The following MEGF6 variants were observed in gnomAD, a reference collection of about 807,000 sequenced individuals.
MEGF6 encodes the protein multiple EGF like domains 6.
MEGF6 carries 184 observed loss-of-function variants against 207.1 expected under a neutral mutation model. The ratio of observed to expected loss-of-function variants is 0.89; its 90% CI spans 0.79 to 1.00. MEGF6 has a LOEUF of 1.00. Among genes scored for constraint, MEGF6 ranks in the 50% least tolerant of loss-of-function variants. The probability of loss-of-function intolerance (pLI) is 0.00; values close to 1 mark genes in which losing one functional copy is unlikely to be tolerated. For missense variants in MEGF6, 2,282 were observed against 2,202.9 expected (o/e 1.04, Z -0.72); for synonymous variants, 1,038 against 910.0 (o/e 1.14, Z -2.53).
chr1:3,553,886 C>T (rs370467025), intron 4 of MEGF6, among the ~76,000 whole-genome samples: 5 of 152,222 alleles, frequency 3.3e-5, no homozygotes, highest in African/African-American at 7.2e-5. Flanking sequence ...GGGAGCACCC[C>T]GTTGGCCAGC....
chr1:3,541,012 G>A (rs1447880498), intron 4 of MEGF6, among the ~76,000 whole-genome samples: 1 of 152,224 alleles, frequency 6.6e-6, no homozygotes, highest in Non-Finnish European at 1.5e-5. Flanking sequence ...AGGGGAGATG[G>A]CATCCTGGGG....
Position 3,494,015 on chromosome 1 carries a change from G to C in MEGF6, c.4239C>G (p.His1413Gln), listed in dbSNP as rs372597074. The C allele has an allele frequency of 1.9e-6, 3 of 1,605,400 alleles. No homozygotes were observed. The highest frequency in any genetic ancestry group is 1.7e-5 in the Admixed American group (1 of 58,530). ...ACTCACCCCTCTCACAGAAGTGGCCGTGGAAGCCGGCAGGGCAGAGGCATC... is the reference window on the plus strand; with the variant it reads ...ACTCACCCCTCTCACAGAAGTGGCCCTGGAAGCCGGCAGGGCAGAGGCATC... Reference protein sequence around the residue: ...SGRCLCPAGFHGHFCERGCEP... With the variant: ...SGRCLCPAGFQGHFCERGCEP... The change falls in exon 33 of 37, where the codon CAC becomes CAG. Residue 1413 changes from histidine (H) to glutamine (Q), a missense_variant. Coordinates refer to ENST00000356575, the MANE Select transcript of MEGF6 (RefSeq NM_001409.4).
chr1:3,514,803 G>A (rs2101082090), intron 6 of MEGF6, 131 bp from the exon 7 acceptor site: 1 of 1,087,032 alleles, frequency 9.2e-7, no homozygotes, highest in East Asian at 2.7e-5. Flanking sequence ...CTGATGGGCT[G>A]GGCAGCGGGT....
intron 3 of MEGF6, among the ~76,000 whole-genome samples, chr1:3,590,866 G>A (rs934035667): frequency 3.4e-5 from 5 of 149,038 alleles, no homozygotes; most frequent in South Asian, 4.6e-4. Context: ...CACAGGGGCC[G>A]TGTAAAGAGC....
intron 4 of MEGF6, among the ~76,000 whole-genome samples, chr1:3,528,418 C>T (rs894815951): frequency 1.2e-4 from 19 of 152,204 alleles, no homozygotes; most frequent in Non-Finnish European, 2.1e-4. Flanking sequence ...TCTGAAGAGC[C>T]GTAGGCGCAG....
At chr1:3,576,543 C>T (rs1362655644) in intron 4 of MEGF6, among the ~76,000 whole-genome samples, 1 of 152,004 alleles carries the variant, frequency 6.6e-6, no homozygotes, top group Non-Finnish European at 1.5e-5. Flanking sequence ...TCTGCAGTCC[C>T]CAGACCCAGA....
In MEGF6 at chr1:3,490,202, T is replaced by C. The variant is rs1357245552; in HGVS notation, c.*326A>G. 1 of 403,722 alleles carries C rather than the reference T, an allele frequency of 2.5e-6. No individual in the cohort carries two copies. Among genetic ancestry groups the C allele is most frequent in the Non-Finnish European group, 4.4e-6 (1 of 224,864 alleles). 25.0% of individuals were successfully genotyped at this position (403,722 alleles called of 1,614,324 possible). On this transcript the variant is annotated 3_prime_UTR_variant, in exon 37 of 37. Coordinates refer to ENST00000356575, the MANE Select transcript of MEGF6 (RefSeq NM_001409.4). ...CCTGCACCTGCGCCTGCACCCACAC[T>C]GGCGCCCACACCTGTCCTCAGTCCA... is the stretch of plus-strand genomic sequence containing the variant.
intron 3 of MEGF6, among the ~76,000 whole-genome samples, chr1:3,590,589 C>A (rs904404523): frequency 3.3e-5 from 5 of 152,178 alleles, no homozygotes; most frequent in Admixed American, 6.5e-5. Context: ...CTACTCCTCG[C>A]TCCTACACAA....
chr1:3,497,980 C>G (rs988737091), intron 26 of MEGF6, among the ~76,000 whole-genome samples: 1 of 152,118 alleles, frequency 6.6e-6, no homozygotes, highest in South Asian at 2.1e-4. Context: ...CAGGCCCTGC[C>G]GGCACAGCAG....
In MEGF6 at chr1:3,505,260, G is replaced by A. The variant is rs780490935; in HGVS notation, c.2136C>T (p.Gly712=). 1.9e-5 allele frequency: 30 copies of A among 1,612,438 alleles called. No individual in the cohort carries two copies. The East Asian group carries it at 4.9e-4, about 26-fold the overall frequency. The change falls in exon 17 of 37, where the codon GGC becomes GGT. Residue 712 remains glycine, a synonymous_variant. Coordinates refer to ENST00000356575, the MANE Select transcript of MEGF6 (RefSeq NM_001409.4). ...PVGVACDSVS[G]ECGKRCPAGF... ...CAGCAGGACACCGCTTCCCACACTC[G>A]CCGCTCACGGAGTCACAGGCCACGC...
chr1:3,572,657 G>C (rs1391598051), intron 4 of MEGF6, among the ~76,000 whole-genome samples: 20 of 147,814 alleles, frequency 1.4e-4, no homozygotes, highest in African/African-American at 5.0e-4. Context: ...GGTCCTTCCT[G>C]GTGTACTGGG....
intron 15 of MEGF6, among the ~76,000 whole-genome samples, chr1:3,505,785 A>G (rs1641091932): frequency 1.3e-5 from 2 of 152,174 alleles, no homozygotes; most frequent in African/African-American, 4.8e-5. Flanking sequence ...AATCTCCAAA[A>G]GCCAAGATAG....
chr1:3,551,970 A>G (rs1642901976), intron 4 of MEGF6, among the ~76,000 whole-genome samples: 2 of 152,202 alleles, frequency 1.3e-5, no homozygotes, highest in Non-Finnish European at 2.9e-5. Flanking sequence ...TGGGCCGTTC[A>G]GACATCAGCA....
chr1:3,523,785 G>A (rs903914922), intron 5 of MEGF6, among the ~76,000 whole-genome samples: 1 of 152,232 alleles, frequency 6.6e-6, no homozygotes, highest in African/African-American at 2.4e-5. Flanking sequence ...AGCTTCTGTT[G>A]TAGAGAATCT....
intron 30 of MEGF6, 34 bp from the exon 31 acceptor site, chr1:3,494,775 T>G: frequency 1.3e-6 from 2 of 1,525,960 alleles, no homozygotes; most frequent in Non-Finnish European, 1.8e-6. Flanking sequence ...CCTGGAGCTC[T>G]GGCCGAGGGC....
intron 21 of MEGF6, among the ~76,000 whole-genome samples, 159 bp from the exon 22 acceptor site, chr1:3,500,083 C>A (rs1640791761): frequency 6.6e-6 from 1 of 152,218 alleles, no homozygotes; most frequent in South Asian, 2.1e-4. Context: ...CATGCTTCAT[C>A]CCCCACCCAG....
intron 17 of MEGF6, among the ~76,000 whole-genome samples, chr1:3,504,119 G>A (rs1392177084): frequency 6.6e-6 from 1 of 150,496 alleles, no homozygotes; most frequent in Non-Finnish European, 1.5e-5. Flanking sequence ...AGGGGAGGCA[G>A]AGGAGGGGGC....
rs1643157937 is a variant in MEGF6, at chr1:3,560,197, C to CTTA, written c.481+19627_481+19628insTAA. On this transcript the variant is annotated intron_variant, in intron 4 of 36. Coordinates refer to ENST00000356575, the MANE Select transcript of MEGF6 (RefSeq NM_001409.4). This position sits in a 1 kb window ranked among gnomAD's most constrained non-coding sequence, Gnocchi z 4.0. ...AAGCACTTTTAGGCTTATGGAAAAA[C>CTTA]TGGACAGAAAGTACAGAGTTTCCTT... Among the ~76,000 whole-genome samples, 1 of 151,654 alleles carries CTTA rather than the reference C, an allele frequency of 6.6e-6. No homozygotes were observed. Among genetic ancestry groups the CTTA allele is most frequent in the South Asian group, 2.1e-4 (1 of 4,794 alleles).
At chr1:3,544,921 G>A (rs1210857846) in intron 4 of MEGF6, among the ~76,000 whole-genome samples, 2 of 152,194 alleles carry the variant, frequency 1.3e-5, no homozygotes, top group Non-Finnish European at 1.5e-5. Flanking sequence ...GGCTGACCTC[G>A]GGAGGATGAC....
Sources: gnomAD v4.1 joint callset for allele counts (sites outside exome capture counted in the v4.1 genomes callset) on GRCh38, gnomAD v4.1.1 for gene constraint, Gnocchi (gnomAD v3.1) non-coding constraint, MANE v1.5 for transcripts, NCBI Gene and HGNC (gene_info 2026-07-23, HGNC 2026-07-21) for gene names.